DMD: variants seen among roughly 807,000 people sequenced by gnomAD.
The protein encoded by DMD is dystrophin, also known as mutant dystrophin.
DMD carries 63 observed loss-of-function variants against 330.1 expected under a neutral mutation model. The ratio of observed to expected loss-of-function variants is 0.19; its 90% confidence interval spans 0.16 to 0.24. The LOEUF (loss-of-function observed/expected upper bound fraction) is 0.24. DMD is among the 10% of genes least tolerant of loss of function. The pLI, the probability that DMD is intolerant of heterozygous loss-of-function variation, is 1.00. For missense variants in DMD, 3,344 were observed against 2,684.1 expected, an observed-to-expected ratio of 1.25 and a Z score of -5.43; for synonymous variants, 1,223 against 959.8, an observed-to-expected ratio of 1.27 and a Z score of -5.07.
In DMD at chrX:32,397,809, C is replaced by A. The variant is rs755320825; in HGVS notation, c.4234-7628G>T. 1.1e-3 allele frequency among the ~76,000 whole-genome samples: 127 copies of A among 110,803 alleles called. 1 individual carries two copies. Among genetic ancestry groups the A allele is most frequent in the Non-Finnish European group, 2.1e-3 (111 of 52,721 alleles). ...ATATATAGTAACAGAAAATGGCCAG[C>A]AAAATTATACTGCAGCAGGCTAAAG... On this transcript the variant is annotated intron_variant, in intron 30 of 78. Transcript: ENST00000357033.
chrX:32,935,724 A>G (rs914001585), intron 2 of DMD, among the ~76,000 whole-genome samples: 11 of 111,151 alleles, frequency 9.9e-5, no homozygotes, highest in Non-Finnish European at 2.1e-4. Context: ...AGAGTACAGA[A>G]AATGCAAGGA....
chrX:31,335,863 G>T (rs964397189), intron 61 of DMD, among the ~76,000 whole-genome samples: 1 of 112,387 alleles, frequency 8.9e-6, no homozygotes, highest in Non-Finnish European at 1.9e-5. Context: ...ACTGTGGAAG[G>T]GAAGTGAAAG....
At chrX:32,141,890 A>G (rs1395863825) in intron 44 of DMD, among the ~76,000 whole-genome samples, 2 of 111,869 alleles carry the variant, frequency 1.8e-5, no homozygotes, top group African/African-American at 6.5e-5. Flanking sequence ...AACAGACACA[A>G]TGAATATGTA....
In DMD at chrX:32,288,220, A is replaced by C. The variant is rs184834476; in HGVS notation, c.6118-519T>G. On this transcript the variant is annotated intron_variant, in intron 42 of 78. Coordinates refer to ENST00000357033, the MANE Select transcript of DMD (RefSeq NM_004006.3). ...CTTTCAAACTTAATATGACGCAAAC[A>C]AAATTCTGAACTGCATTTCCTAATC... is the stretch of plus-strand genomic sequence containing the variant. 2.2e-4 allele frequency among the ~76,000 whole-genome samples: 25 copies of C among 111,800 alleles called. No homozygotes were observed. In the East Asian group the frequency reaches 7.1e-3, roughly 32 times the overall value.
chrX:31,939,576 G>A (rs2094966014), intron 45 of DMD, among the ~76,000 whole-genome samples: 1 of 111,225 alleles, frequency 9.0e-6, no homozygotes, highest in Non-Finnish European at 1.9e-5. Flanking sequence ...CTTAAAATTA[G>A]AACAATAAAC....
chrX:32,849,608 G>A (rs1277961737), intron 3 of DMD, 120 bp downstream of exon 3: 3 of 543,257 alleles, frequency 5.5e-6, no homozygotes, highest in Non-Finnish European at 9.6e-6. Context: ...TAAGGAATAG[G>A]TATTGCTGTT....
chrX:31,703,818 G>T (rs1603449619), intron 52 of DMD, among the ~76,000 whole-genome samples: 1 of 107,918 alleles, frequency 9.3e-6, no homozygotes, highest in Admixed American at 1.1e-4. Context: ...AAAGCAAAAA[G>T]AGGAATAATA....
chrX:32,619,883 G>A (rs958172312), intron 11 of DMD, among the ~76,000 whole-genome samples: 2 of 111,768 alleles, frequency 1.8e-5, no homozygotes, highest in African/African-American at 6.5e-5. Flanking sequence ...GTGAGAATTA[G>A]AGACATGGAA....
intron 43 of DMD, among the ~76,000 whole-genome samples, chrX:32,230,872 CAAATATATATACAGTATATAAT>C (rs1483871609): frequency 2.7e-5 from 3 of 111,375 alleles, no homozygotes; most frequent in Non-Finnish European, 5.7e-5. Context: ...TCATAATATC[CAAATATATATACAGTATATAAT>C]TTCTGTTATT....
At chrX:31,724,883 C>G (rs1233838780) in intron 52 of DMD, among the ~76,000 whole-genome samples, 2 of 112,127 alleles carry the variant, frequency 1.8e-5, no homozygotes, top group Admixed American at 9.5e-5. Context: ...GGTTACACAG[C>G]TAATAGATCA....
chrX:32,688,337 A>T (rs980943717), intron 9 of DMD, among the ~76,000 whole-genome samples: 1 of 112,413 alleles, frequency 8.9e-6, no homozygotes, highest in Admixed American at 9.4e-5. Flanking sequence ...AATGGTTGGT[A>T]AAATTATATA....
At chrX:32,010,627 A>G (rs2095700305) in intron 44 of DMD, among the ~76,000 whole-genome samples, 1 of 111,300 alleles carries the variant, frequency 9.0e-6, no homozygotes. Flanking sequence ...TTGCCTTGAA[A>G]ATTTCCCTCC....
chrX:32,666,376 G>A (rs1279992170), intron 9 of DMD, among the ~76,000 whole-genome samples: 2 of 110,234 alleles, frequency 1.8e-5, no homozygotes, highest in African/African-American at 6.6e-5. Context: ...CTCCCAGACA[G>A]GCGATGGTGT....
intron 20 of DMD, among the ~76,000 whole-genome samples, chrX:32,487,886 A>G (rs1342046159): frequency 1.8e-5 from 2 of 111,847 alleles, no homozygotes; most frequent in African/African-American, 6.5e-5. Context: ...GACAAGAGGT[A>G]AAGGGTAATA....
intron 62 of DMD, among the ~76,000 whole-genome samples, chrX:31,321,514 G>A (rs2056409826): frequency 9.9e-6 from 1 of 100,575 alleles, no homozygotes; most frequent in Non-Finnish European, 2.0e-5. Context: ...AACCCGGGAG[G>A]CAGGGGTTGC....
chrX:32,732,315 G>A (rs977515336), intron 7 of DMD, among the ~76,000 whole-genome samples: 9 of 111,202 alleles, frequency 8.1e-5, no homozygotes, highest in Admixed American at 4.8e-4. Context: ...TGGGGAGAAT[G>A]GAACCAATTT....
intron 37 of DMD, among the ~76,000 whole-genome samples, chrX:32,362,490 A>G (rs960161124): frequency 1.8e-5 from 2 of 111,134 alleles, no homozygotes; most frequent in African/African-American, 3.3e-5. Flanking sequence ...TTTTTTCTGT[A>G]GGTGACCCCT....
At chrX:32,037,544 C>T (rs949504169) in intron 44 of DMD, among the ~76,000 whole-genome samples, 1 of 111,448 alleles carries the variant, frequency 9.0e-6, no homozygotes, top group Non-Finnish European at 1.9e-5. Flanking sequence ...GTTATAGCCT[C>T]CTTCCATTGA....
At chrX:31,902,869 G>C (rs914595414) in intron 47 of DMD, among the ~76,000 whole-genome samples, 2 of 111,026 alleles carry the variant, frequency 1.8e-5, no homozygotes, top group African/African-American at 6.5e-5. Flanking sequence ...ATCGTGGTTG[G>C]CTACATCAGG....
Sources: allele counts gnomAD v4.1 joint callset (sites outside exome capture counted in the v4.1 genomes callset), GRCh38; gene constraint gnomAD v4.1.1; transcripts MANE v1.5; gene names NCBI Gene and HGNC (gene_info 2026-07-23, HGNC 2026-07-21).